GPRC5D: variants seen among roughly 807,000 people sequenced by gnomAD.
The protein encoded by GPRC5D is G protein-coupled receptor family C group 5 member D.
Under a neutral mutation model 29.3 loss-of-function variants are expected in GPRC5D, and 20 were observed. The observed-to-expected ratio is 0.68, with a 90% confidence interval of 0.48 to 0.99. The LOEUF (loss-of-function observed/expected upper bound fraction) is 0.99, where lower values mean the gene tolerates loss of function less well. Ranked by LOEUF, GPRC5D falls within the 50% of genes least tolerant of loss-of-function variation. The pLI, the probability that GPRC5D is intolerant of heterozygous loss-of-function variation, is 0.00. For missense variants in GPRC5D, 384 were observed against 423.6 expected, an observed-to-expected ratio of 0.91 and a Z score of 0.82; for synonymous variants, 178 against 171.3, an observed-to-expected ratio of 1.04 and a Z score of -0.30.
At chr12:12,942,018 T>G (rs1410582398) in intron 2 of GPRC5D, among the ~76,000 whole-genome samples, 2 of 152,212 alleles carry the variant, frequency 1.3e-5, no homozygotes, top group African/African-American at 4.8e-5. Context: ...GGACACGCAC[T>G]TGCATCAGAA....
Position 12,950,334 on chromosome 12 carries a change from G to A in GPRC5D, c.51C>T (p.Asp17=), listed in dbSNP as rs183273006. Residue 17 remains aspartate (D), a synonymous_variant, in exon 1 of 3, where the codon GAC becomes GAT. Transcript: ENST00000228887. ...GAATGATGCCCCATGGCCCCTCGGCGTCACAGAGAAGAAAATAGTCTCCAG... is the reference window on the plus strand; with the variant it reads ...GAATGATGCCCCATGGCCCCTCGGCATCACAGAGAAGAAAATAGTCTCCAG... The A allele has an allele frequency of 3.8e-4, 618 of 1,612,144 alleles. 2 individuals are homozygous for A. The highest frequency in any genetic ancestry group is 2.2e-3 in the South Asian group (199 of 91,056).
intron 1 of GPRC5D, 116 bp downstream of exon 2, chr12:12,949,374 A>C (rs1863427996): frequency 2.4e-6 from 2 of 847,972 alleles, no homozygotes; most frequent in South Asian, 3.6e-5. Context: ...GAAGCCACCC[A>C]CCCCAAATCT....
chr12:12,951,051 A>G (rs1385253089), upstream of GPRC5D, among the ~76,000 whole-genome samples: 4 of 152,140 alleles, frequency 2.6e-5, no homozygotes, highest in Non-Finnish European at 5.9e-5. Flanking sequence ...CAGAGGTTGC[A>G]GTGAGCCAAG....
upstream of GPRC5D, chr12:12,951,966 T>A (rs1382396821): frequency 6.6e-6 from 1 of 151,856 alleles, no homozygotes; most frequent in Non-Finnish European, 1.5e-5. Flanking sequence ...AGGAAAAAGA[T>A]CCCACATATT....
chr12:12,940,991 A>G, intron 2 of GPRC5D, 142 bp from the exon 4 acceptor site: 1 of 567,204 alleles, frequency 1.8e-6, no homozygotes, highest in Non-Finnish European at 3.3e-6. Flanking sequence ...GGCTCACTGC[A>G]AACTCTGCCT....
chr12:12,944,508 T>TTGAGAATTG (rs71064353), intron 1 of GPRC5D: 123,369 of 151,610 alleles, frequency 0.81, 51,663 homozygotes, highest in Non-Finnish European at 0.91. Context: ...GAAAAAAATG[T>TTGAGAATTG]TCAAAAAGGG....
chr12:12,950,391 T>G, upstream of GPRC5D: 1 of 1,588,848 alleles, frequency 6.3e-7, no homozygotes, highest in Non-Finnish European at 8.5e-7. Flanking sequence ...ACATGGTGAC[T>G]TATGGGTGTG....
At chr12:12,949,617 C>G in exon 1 of GPRC5D, 2 of 1,614,188 alleles carry the variant, frequency 1.2e-6, no homozygotes, top group Non-Finnish European at 1.7e-6. Context: ...GGACGATGTA[C>G]AGCAGCAGGA....
chr12:12,950,012 A>T (rs1461877814), exon 1 of GPRC5D: 2 of 1,613,992 alleles, frequency 1.2e-6, no homozygotes, highest in South Asian at 2.2e-5. Context: ...GTCGTCCAGG[A>T]GAAGGAGACA....
At chr12:12,949,887 G>A (rs1180753086) in exon 1 of GPRC5D, 2 of 1,614,160 alleles carry the variant, frequency 1.2e-6, no homozygotes, top group Non-Finnish European at 1.7e-6. Context: ...AGTCCACATT[G>A]AGCTGGCAGG....
At chr12:12,949,558 T>C (rs747001391) in exon 1 of GPRC5D, 5 of 1,597,934 alleles carry the variant, frequency 3.1e-6, no homozygotes, top group Non-Finnish European at 4.3e-6. Context: ...GGCATTGCCT[T>C]GTAAAGGGCA....
chr12:12,946,374 C>CT (rs1863340661), intron 1 of GPRC5D, among the ~76,000 whole-genome samples: 1 of 139,040 alleles, frequency 7.2e-6, no homozygotes, highest in African/African-American at 2.7e-5. Flanking sequence ...TCTTTTCTTT[C>CT]TTTCTTTCTC....
upstream of GPRC5D, among the ~76,000 whole-genome samples, chr12:12,951,466 G>T (rs1278376119): frequency 6.6e-6 from 1 of 152,190 alleles, no homozygotes; most frequent in Non-Finnish European, 1.5e-5. Context: ...TTTTATATAG[G>T]ATGTCAGTAA....
At chr12:12,944,798 TTCCCTTCCTTCCTTCCTTCCTTCCTTCC>T (rs1863238793) in intron 1 of GPRC5D, among the ~76,000 whole-genome samples, 10 of 29,508 alleles carry the variant, frequency 3.4e-4, no homozygotes, top group African/African-American at 7.3e-4. Context: ...CCTTCCTTCC[TTCCCTTCCTTCCTTCCTTCCTTCCTTCC>T]TTCCTTCCTT....
At chr12:12,949,512 C>T (rs1863431354) in exon 1 of GPRC5D, 2 of 1,613,570 alleles carry the variant, frequency 1.2e-6, no homozygotes, top group African/African-American at 2.7e-5. Flanking sequence ...CCTGGTTCTC[C>T]ACTTGGAAGC....
At chr12:12,948,768 A>C (rs1863416079) in intron 1 of GPRC5D, among the ~76,000 whole-genome samples, 1 of 152,238 alleles carries the variant, frequency 6.6e-6, no homozygotes, top group Non-Finnish European at 1.5e-5. Flanking sequence ...ATTCCTTAAC[A>C]AAGTGGAGTC....
chr12:12,950,822 A>G (rs1445454195), upstream of GPRC5D, among the ~76,000 whole-genome samples: 2 of 151,040 alleles, frequency 1.3e-5, no homozygotes, highest in Non-Finnish European at 3.0e-5. Flanking sequence ...GCAAAAAACA[A>G]GGCAGGGTAC....
exon 2 of GPRC5D, chr12:12,942,281 C>T: frequency 6.2e-7 from 1 of 1,611,282 alleles, no homozygotes. Context: ...ATGGGAGTAC[C>T]ATATGAAGTT....
At chr12:12,941,517 C>T (rs950188632) in intron 2 of GPRC5D, among the ~76,000 whole-genome samples, 2 of 152,110 alleles carry the variant, frequency 1.3e-5, no homozygotes, top group Non-Finnish European at 2.9e-5. Flanking sequence ...AGATAACATA[C>T]CAGAGGGGTT....
Sources: gnomAD v4.1 joint callset for allele counts (sites outside exome capture counted in the v4.1 genomes callset) on GRCh38, gnomAD v4.1.1 for gene constraint, MANE v1.5 for transcripts, NCBI Gene and HGNC (gene_info 2026-07-23, HGNC 2026-07-21) for gene names.